Variants in PDE3B observed in about 807,000 individuals in gnomAD.
PDE3B encodes the protein cGMP-inhibited 3',5'-cyclic phosphodiesterase 3B.
PDE3B carries 66 observed loss-of-function variants against 116.8 expected under a neutral mutation model. That is an observed-to-expected ratio of 0.56 (90% confidence interval 0.46 to 0.69). PDE3B has a LOEUF of 0.69. Ranked by LOEUF, PDE3B falls within the 30% of genes least tolerant of loss-of-function variation. The pLI, the probability that PDE3B is intolerant of heterozygous loss-of-function variation, is 0.00. For synonymous variants in PDE3B, 595 were observed against 533.6 expected (o/e 1.12, Z -1.59); for missense variants, 1,384 against 1,368.1 (o/e 1.01, Z -0.18).
At chr11:14,645,096 G>A (rs755229655) in intron 1 of PDE3B, 43 bp downstream of exon 1, 5 of 1,458,006 alleles carry the variant, frequency 3.4e-6, no homozygotes, top group Non-Finnish European at 1.8e-6. Flanking sequence ...GAGCGGGTTC[G>A]GGTTTACCGC....
intron 1 of PDE3B, among the ~76,000 whole-genome samples, chr11:14,714,447 G>A (rs1035953014): frequency 1.7e-4 from 25 of 151,396 alleles, no homozygotes; most frequent in Admixed American, 1.6e-3. Context: ...TATTGAGGCA[G>A]GAGGATCATT....
chr11:14,863,597 G>T (rs1160424206), intron 14 of PDE3B, among the ~76,000 whole-genome samples: 1 of 152,202 alleles, frequency 6.6e-6, no homozygotes, highest in Non-Finnish European at 1.5e-5. Context: ...CAGACTACCA[G>T]TGGATCTCTC....
At position 14,869,739 on chromosome 11, in the gene PDE3B, T is replaced by C. The variant is rs1848113031; in HGVS notation, c.*79T>C. 1 of 1,169,452 alleles carries C rather than the reference T, an allele frequency of 8.6e-7. No individual in the cohort carries two copies. Among genetic ancestry groups the C allele is most frequent in the Admixed American group, 1.9e-5 (1 of 53,196 alleles). 72.4% of individuals were successfully genotyped at this position (1,169,452 alleles called of 1,614,324 possible). The stretch of plus-strand genomic sequence containing the variant: ...CAGGGGCAGAAATCATTGCCTAGTG[T>C]TCACCGGCTGACTCTCAACTGACCA... On this transcript the variant is annotated 3_prime_UTR_variant, in exon 16 of 16. Coordinates refer to ENST00000282096, the MANE Select transcript of PDE3B (RefSeq NM_000922.4).
chr11:14,649,522 A>G (rs1388185386), intron 1 of PDE3B, among the ~76,000 whole-genome samples: 1 of 152,224 alleles, frequency 6.6e-6, no homozygotes, highest in East Asian at 1.9e-4. Context: ...AGGAGCATAT[A>G]TACTTCCCAT....
chr11:14,787,809 AT>A (rs1858259725), intron 3 of PDE3B, among the ~76,000 whole-genome samples: 1 of 151,818 alleles, frequency 6.6e-6, no homozygotes, highest in Non-Finnish European at 1.5e-5. Context: ...AATAACTCTA[AT>A]GTATTCTTGA....
chr11:14,889,766 CAT>C, the PDE3B span, among the ~76,000 whole-genome samples: 3 of 152,138 alleles, frequency 2.0e-5, no homozygotes, highest in African/African-American at 7.2e-5. Flanking sequence ...TGTGAGAAAC[CAT>C]TTCAAATAAC....
At chr11:14,669,324 G>C (rs1469575037) in intron 1 of PDE3B, among the ~76,000 whole-genome samples, 1 of 152,008 alleles carries the variant, frequency 6.6e-6, no homozygotes, top group Non-Finnish European at 1.5e-5. Context: ...TTCTGCTCTT[G>C]TATTCCATTG....
chr11:14,658,494 T>C (rs1853785521), intron 1 of PDE3B, among the ~76,000 whole-genome samples: 1 of 152,154 alleles, frequency 6.6e-6, no homozygotes, highest in Admixed American at 6.5e-5. Flanking sequence ...TAGCTGGGAT[T>C]ACAGGCATGC....
intron 1 of PDE3B, among the ~76,000 whole-genome samples, chr11:14,735,991 T>A (rs1349015182): frequency 6.6e-6 from 1 of 151,790 alleles, no homozygotes; most frequent in African/African-American, 2.4e-5. Context: ...TGTGTGTGTG[T>A]GTGTGACTCC....
At chr11:14,885,514 C>G in the PDE3B span, among the ~76,000 whole-genome samples, 2 of 152,222 alleles carry the variant, frequency 1.3e-5, no homozygotes. Context: ...TTCACAAAAC[C>G]TGCAGATGTT....
chr11:14,732,098 G>A (rs944055938), intron 1 of PDE3B, among the ~76,000 whole-genome samples: 2 of 152,116 alleles, frequency 1.3e-5, no homozygotes, highest in Non-Finnish European at 2.9e-5. Context: ...CGGATGTCTT[G>A]GAGAAGAACA....
rs1853332232 is a variant in PDE3B, at chr11:14,644,758, T to G, written c.683T>G (p.Phe228Cys). The G allele has an allele frequency of 1.3e-6, 2 of 1,597,172 alleles. No individual in the cohort carries two copies. Among genetic ancestry groups the G allele is most frequent in the African/African-American group, 1.3e-5 (1 of 74,720 alleles). ...HCVLVLLLAS[F>C]VWWVSFTSLG... The stretch of plus-strand genomic sequence containing the variant: ...GTTCTGGTGCTGCTCCTGGCCAGCT[T>G]CGTCTGGTGGGTCTCCTTCACCAGC... The change falls in exon 1 of 16, where the codon TTC becomes TGC. Residue 228 changes from phenylalanine (F) to cysteine (C), a missense_variant. By Grantham distance (205) the Phe-to-Cys change is radical. Coordinates refer to ENST00000282096, the MANE Select transcript of PDE3B (RefSeq NM_000922.4).
intron 1 of PDE3B, among the ~76,000 whole-genome samples, chr11:14,645,336 T>C (rs1451785200): frequency 6.6e-6 from 1 of 152,160 alleles, no homozygotes; most frequent in Non-Finnish European, 1.5e-5. Flanking sequence ...ATGCAATAGA[T>C]GAGTTCGCAG....
intron 1 of PDE3B, among the ~76,000 whole-genome samples, chr11:14,766,783 A>T (rs1290626689): frequency 6.6e-5 from 10 of 151,692 alleles, no homozygotes. Context: ...GACTGATTTC[A>T]TCACATATTT....
chr11:14,804,190 T>A, intron 5 of PDE3B, 140 bp downstream of exon 5: 1 of 586,712 alleles, frequency 1.7e-6, no homozygotes, highest in Non-Finnish European at 3.0e-6. Flanking sequence ...CAGTTTGGGT[T>A]GGCTACTAAT....
intron 1 of PDE3B, among the ~76,000 whole-genome samples, chr11:14,723,133 T>A (rs895808478): frequency 1.3e-5 from 2 of 152,246 alleles, no homozygotes; most frequent in African/African-American, 4.8e-5. Context: ...CCTAAGCATG[T>A]TATGGACATT....
At chr11:14,813,435 ATCCT>A (rs1359855614) in intron 5 of PDE3B, among the ~76,000 whole-genome samples, 9 of 152,076 alleles carry the variant, frequency 5.9e-5, no homozygotes, top group African/African-American at 2.2e-4. Context: ...GTCAGTCTGA[ATCCT>A]GACGCTGCCA....
intron 2 of PDE3B, among the ~76,000 whole-genome samples, chr11:14,781,231 G>C (rs1182667776): frequency 6.6e-6 from 1 of 152,124 alleles, no homozygotes; most frequent in Admixed American, 6.5e-5. Flanking sequence ...TTCTACCAGA[G>C]GTACAAAGAG....
chr11:14,792,832 A>C (rs1241960157), intron 4 of PDE3B, among the ~76,000 whole-genome samples: 1 of 152,190 alleles, frequency 6.6e-6, no homozygotes, highest in Non-Finnish European at 1.5e-5. Flanking sequence ...AGTTGGGCTC[A>C]TAAATCACCT....
Sources: allele counts gnomAD v4.1 joint callset (sites outside exome capture counted in the v4.1 genomes callset), GRCh38; gene constraint gnomAD v4.1.1; transcripts MANE v1.5; gene names NCBI Gene and HGNC (gene_info 2026-07-23, HGNC 2026-07-21).